The following RBM23 variants were observed in gnomAD, a reference collection of about 807,000 sequenced individuals.
The protein encoded by RBM23 is RNA binding motif protein 23, also known as probable RNA-binding protein 23.
A neutral mutation model predicts 56.2 loss-of-function variants in RBM23; 53 were observed. The ratio of observed to expected loss-of-function variants is 0.94; its 90% CI spans 0.76 to 1.19. RBM23 has a LOEUF of 1.19. Among genes scored for constraint, RBM23 ranks in the 50% most tolerant of loss-of-function variants. The pLI, the probability that RBM23 is intolerant of heterozygous loss-of-function variation, is 0.00. For missense variants in RBM23, 642 were observed against 590.3 expected (o/e 1.09, Z -0.91); for synonymous variants, 197 against 198.5 (o/e 0.99, Z 0.06).
At chr14:22,918,364 G>A (rs903314038) in intron 1 of RBM23, among the ~76,000 whole-genome samples, 12 of 151,264 alleles carry the variant, frequency 7.9e-5, no homozygotes, top group African/African-American at 2.7e-4. Context: ...CTCCACTCCA[G>A]CCTGGGTGAC....
At position 22,898,166 on chromosome 14, in the gene RBM23, G is replaced by T. The variant is rs911372103; in HGVS notation, c.*3564C>A. ...CCAGGACTAAAAGTTCACAGGTCAA[G>T]CCTCTGCTTCTACTGGTAACTCCTA... On this transcript the variant is annotated 3_prime_UTR_variant, in exon 14 of 14. Coordinates refer to ENST00000359890, the MANE Select transcript of RBM23 (RefSeq NM_001077351.2). The T allele has an allele frequency of 2.0e-5, 3 of 152,238 alleles. No homozygotes were observed. The highest frequency in any genetic ancestry group is 1.9e-4 in the East Asian group (1 of 5,204). The allele number at this position is 152,238 out of a possible 1,614,324, so 9.4% of individuals were successfully genotyped here.
In RBM23 at chr14:22,897,548, T is replaced by C. The variant is rs1051645055; in HGVS notation, c.*4182A>G. The C allele has an allele frequency of 1.3e-4, 20 of 152,356 alleles. No homozygotes were observed. Among genetic ancestry groups the C allele is most frequent in the African/African-American group, 4.1e-4 (17 of 41,576 alleles). The allele number at this position is 152,356 out of a possible 1,614,324, so 9.4% of individuals were successfully genotyped here. Reference sequence around the variant, plus strand: ...ATAAGGTCTGAGGCTGGCTTCTCAATGCACATGCCCATGCTATCTCCCAGG... The same window carrying C: ...ATAAGGTCTGAGGCTGGCTTCTCAACGCACATGCCCATGCTATCTCCCAGG... On this transcript the variant is annotated 3_prime_UTR_variant, in exon 14 of 14. Transcript: ENST00000359890.
At position 22,893,419 on chromosome 14, in the gene RBM23, G is replaced by A. The variant is rs1543505; in HGVS notation, c.*8311C>T. ...ACAATTTCTGCCCGTCAAATAGCTTGCAATTAAGCTGGGGAGATGGATGAG... is the reference window on the plus strand; with the variant it reads ...ACAATTTCTGCCCGTCAAATAGCTTACAATTAAGCTGGGGAGATGGATGAG... On this transcript the variant is annotated 3_prime_UTR_variant, in exon 14 of 14. Coordinates refer to ENST00000359890, the MANE Select transcript of RBM23 (RefSeq NM_001077351.2). 0.74 allele frequency: 113,115 copies of A among 152,126 alleles called. 42,398 individuals are homozygous for A. The highest frequency in any genetic ancestry group is 0.99 in the East Asian group (5,126 of 5,188). The allele number at this position is 152,126 out of a possible 1,614,324, so 9.4% of individuals were successfully genotyped here. A position where few individuals can be genotyped will look rare whatever the true frequency, so the allele number is the denominator to read the frequency against.
At chr14:22,916,440 C>CT (rs11382593) in intron 1 of RBM23, among the ~76,000 whole-genome samples, 79,854 of 142,106 alleles carry the variant, frequency 0.56, 22,987 homozygotes, top group East Asian at 0.75. Context: ...ATATTTTGGG[C>CT]TTTTTTTTTT....
In RBM23 at chr14:22,898,016, GTC is replaced by G. The variant is rs1488985740; in HGVS notation, c.*3712_*3713del. 1 of 152,188 alleles carries G rather than the reference GTC, an allele frequency of 6.6e-6. No individual in the cohort carries two copies. Among genetic ancestry groups the G allele is most frequent in the Non-Finnish European group, 1.5e-5 (1 of 68,042 alleles). 9.4% of individuals were successfully genotyped at this position (152,188 alleles called of 1,614,324 possible). ...ACCTCCTGTCACCTCACCTTTCAGA[GTC>G]TCTTTTCACTGTCCAAGTGTTGCTG... On this transcript the variant is annotated 3_prime_UTR_variant, in exon 14 of 14. Coordinates refer to ENST00000359890, the MANE Select transcript of RBM23 (RefSeq NM_001077351.2).
At position 22,893,961 on chromosome 14, in the gene RBM23, TGG is replaced by T. The variant is rs1234177752; in HGVS notation, c.*7767_*7768del. 6.6e-6 allele frequency: 1 copy of T among 152,198 alleles called. No individual in the cohort carries two copies. Among genetic ancestry groups the T allele is most frequent in the Non-Finnish European group, 1.5e-5 (1 of 68,040 alleles). The allele number at this position is 152,198 out of a possible 1,614,324, so 9.4% of individuals were successfully genotyped here. Reference sequence around the variant, plus strand: ...ATTAGTGCTCAGGATGTTTCCTGGATGGGGGTCTGTGGATGAAGTCACTCTTA... The same window carrying T: ...ATTAGTGCTCAGGATGTTTCCTGGATGGGTCTGTGGATGAAGTCACTCTTA... On this transcript the variant is annotated 3_prime_UTR_variant, in exon 14 of 14. Coordinates refer to ENST00000359890, the MANE Select transcript of RBM23 (RefSeq NM_001077351.2).
intron 2 of RBM23, 98 bp from the exon 3 acceptor site, chr14:22,909,693 A>G (rs2042139920): frequency 7.0e-6 from 6 of 862,676 alleles, no homozygotes; most frequent in South Asian, 1.5e-5. Context: ...AATAAATCAA[A>G]CCACTTGATT....
At position 22,902,058 on chromosome 14, in the gene RBM23, CA is replaced by C. The variant is rs776938285; in HGVS notation, c.1167del (p.Ala390ProfsTer11). The C allele has an allele frequency of 2.5e-4, 388 of 1,529,118 alleles. 1 individual carries two copies. The highest frequency in any genetic ancestry group is 1.5e-3 in the Middle Eastern group (9 of 5,848). 94.7% of individuals were successfully genotyped at this position (1,529,118 alleles called of 1,614,324 possible). A position where few individuals can be genotyped will look rare whatever the true frequency, so the allele number is the denominator to read the frequency against. Reference sequence around the variant, plus strand: ...AAGGCAGCAGCCTGGGCGGCGGCGGCAGCAGCAGCAGCAGCAGTGCTTGGCA... The same window carrying C: ...AAGGCAGCAGCCTGGGCGGCGGCGGCGCAGCAGCAGCAGCAGTGCTTGGCA... Reference protein sequence around the residue: ...IQLPSTAAAAAAAAAQAAALQ... With the variant: ...IQLPSTAAAAXAAAAQAAALQ... On this transcript the variant is annotated frameshift_variant, in exon 12 of 14. Transcript: ENST00000359890. LOFTEE classifies it high-confidence loss of function.
Position 22,901,635 on chromosome 14 carries a change from C to T in RBM23, c.*95G>A. The T allele has an allele frequency of 2.0e-6, 3 of 1,533,626 alleles. No individual in the cohort carries two copies. The African/African-American group carries it at 4.1e-5, about 21-fold the overall frequency. On this transcript the variant is annotated 3_prime_UTR_variant, in exon 14 of 14. Coordinates refer to ENST00000359890, the MANE Select transcript of RBM23 (RefSeq NM_001077351.2). ...GACAATGTCCATGCCCTCAGGATGG[C>T]TTGGTCCACAAAATGGAGAAATGGG...
chr14:22,896,488 C>T lies in RBM23; in HGVS notation c.*5242G>A, dbSNP rs1319323634. The T allele has an allele frequency of 6.6e-6, 1 of 152,214 alleles. No individual in the cohort carries two copies. Among genetic ancestry groups the T allele is most frequent in the Non-Finnish European group, 1.5e-5 (1 of 68,048 alleles). 9.4% of individuals were successfully genotyped at this position (152,214 alleles called of 1,614,324 possible). A position where few individuals can be genotyped will look rare whatever the true frequency, so the allele number is the denominator to read the frequency against. On this transcript the variant is annotated 3_prime_UTR_variant, in exon 14 of 14. Transcript: ENST00000359890. ...ACTGAAACTCCCATCCTTTCTGGAA[C>T]ATTGGCAAGTTTGACGGGTCTCCGA... is the stretch of plus-strand genomic sequence containing the variant.
At chr14:22,905,871 CCTT>C (rs2041453780) in intron 5 of RBM23, 4 of 601,860 alleles carry the variant, frequency 6.6e-6, no homozygotes, top group African/African-American at 1.9e-5. Context: ...ACCTCAGCCT[CCTT>C]GTGTGGCTAG....
chr14:22,913,564 C>T (rs566654077), intron 1 of RBM23, among the ~76,000 whole-genome samples: 2 of 151,620 alleles, frequency 1.3e-5, no homozygotes, highest in Non-Finnish European at 2.9e-5. Context: ...GAGTTTGACA[C>T]CAACCTGACA....
intron 1 of RBM23, among the ~76,000 whole-genome samples, chr14:22,912,239 T>G (rs2042655612): frequency 6.6e-6 from 1 of 152,162 alleles, no homozygotes; most frequent in Non-Finnish European, 1.5e-5. Flanking sequence ...GAGGCACGAC[T>G]AAAAATCAGA....
chr14:22,902,192 G>A lies in RBM23; in HGVS notation c.1121C>T (p.Ala374Val). ...GGRFQLMAKL[A>V]EGAGIQLPST... Reference sequence around the variant, plus strand: ...ACCTTGCGGAGATATTTTACCTTCTGCCAGTTTTGCCATGAGCTGAAAACG... The same window carrying A: ...ACCTTGCGGAGATATTTTACCTTCTACCAGTTTTGCCATGAGCTGAAAACG... The change falls in exon 11 of 14, where the codon GCA becomes GTA. Residue 374 changes from alanine to valine, a missense_variant. By Grantham distance (64) the Ala-to-Val change is moderately conservative. Coordinates refer to ENST00000359890, the MANE Select transcript of RBM23 (RefSeq NM_001077351.2). 2 of 1,613,570 alleles carry A rather than the reference G, an allele frequency of 1.2e-6. No homozygotes were observed. Among genetic ancestry groups the A allele is most frequent in the Non-Finnish European group, 1.7e-6 (2 of 1,179,510 alleles).
chr14:22,905,660 C>T lies in RBM23; in HGVS notation c.402-1G>A, dbSNP rs755217907. 22 of 1,602,584 alleles carry T rather than the reference C, an allele frequency of 1.4e-5. No homozygotes were observed. The highest frequency in any genetic ancestry group is 1.7e-5 in the Non-Finnish European group (20 of 1,169,610). On this transcript the variant is annotated splice_acceptor_variant, in intron 5 of 13. Coordinates refer to ENST00000359890, the MANE Select transcript of RBM23 (RefSeq NM_001077351.2). LOFTEE classifies it high-confidence loss of function. ...ACTCTTACTGTGTCCATACCTATAA[C>T]TAAAGAATAGAGAAAAACAAAAGGT...
rs1277635021 is a variant in RBM23, at chr14:22,896,181, A to C, written c.*5549T>G. The stretch of plus-strand genomic sequence containing the variant: ...AAAATACTGAGGACAGTAATGAGCC[A>C]AGTTCCAAACCTTTCTCAATGAATT... On this transcript the variant is annotated 3_prime_UTR_variant, in exon 14 of 14. Transcript: ENST00000359890. The C allele has an allele frequency of 6.6e-6, 1 of 152,212 alleles. No homozygotes were observed. The highest frequency in any genetic ancestry group is 1.5e-5 in the Non-Finnish European group (1 of 68,036). 9.4% of individuals were successfully genotyped at this position (152,212 alleles called of 1,614,324 possible). A position where few individuals can be genotyped will look rare whatever the true frequency, so the allele number is the denominator to read the frequency against.
At chr14:22,910,334 C>T (rs553930011) in intron 2 of RBM23, among the ~76,000 whole-genome samples, 94 of 148,352 alleles carry the variant, frequency 6.3e-4, no homozygotes, top group African/African-American at 2.3e-3. Context: ...TGGCACATGC[C>T]TGTAATCCCA....
intron 1 of RBM23, among the ~76,000 whole-genome samples, chr14:22,916,800 C>T (rs1172832001): frequency 6.6e-6 from 1 of 152,038 alleles, no homozygotes; most frequent in Non-Finnish European, 1.5e-5. Flanking sequence ...ATATCTGAGG[C>T]ATGTACAGTG....
At chr14:22,903,414 C>T (rs957883454) in intron 10 of RBM23, 1 of 985,388 alleles carries the variant, frequency 1.0e-6, no homozygotes, top group African/African-American at 1.7e-5. Flanking sequence ...ACAAAAGTTA[C>T]TTGCCACCAC....
Sources: allele counts gnomAD v4.1 joint callset (sites outside exome capture counted in the v4.1 genomes callset), GRCh38; gene constraint gnomAD v4.1.1; transcripts MANE v1.5; gene names NCBI Gene and HGNC (gene_info 2026-07-23, HGNC 2026-07-21).